MYO1G: variants seen among roughly 807,000 people sequenced by gnomAD.
MYO1G encodes unconventional myosin-Ig.
Under a neutral mutation model 115.3 loss-of-function variants are expected in MYO1G, and 65 were observed. That is an observed-to-expected ratio of 0.56 (90% CI 0.46 to 0.69). MYO1G has a LOEUF of 0.69. MYO1G is among the 30% of genes least tolerant of loss of function. The pLI is 0.00. For missense variants in MYO1G, 1,204 were observed against 1,393.5 expected, an observed-to-expected ratio of 0.86 and a Z score of 2.16; for synonymous variants, 510 against 552.6, an observed-to-expected ratio of 0.92 and a Z score of 1.08.
intron 12 of MYO1G, 63 bp from the exon 13 acceptor site, chr7:44,968,021 A>C (rs1583787782): frequency 7.3e-6 from 10 of 1,374,778 alleles, no homozygotes; most frequent in Admixed American, 7.1e-5. Context: ...AGTGCTAATG[A>C]CCCCAGCAGC....
In MYO1G at chr7:44,978,865, A is replaced by T. The variant is rs1795131401; in HGVS notation, c.95+2T>A. On this transcript the variant is annotated splice_donor_variant, in intron 1 of 21. Transcript: ENST00000258787. LOFTEE classifies it high-confidence loss of function. ...AGCCACTGCCTCCTGCCCTGGGCCT[A>T]CCTGAGCTGCAGGTTCCTCATGAAG... The T allele has an allele frequency of 6.2e-7, 1 of 1,613,932 alleles. No individual in the cohort carries two copies. The highest frequency in any genetic ancestry group is 2.2e-5 in the East Asian group (1 of 44,878).
At chr7:44,972,011 GTTCACTTCACCCTGGCCT>G (rs1328322597) in intron 6 of MYO1G, 86 bp downstream of exon 6, 2 of 968,510 alleles carry the variant, frequency 2.1e-6, no homozygotes, top group Non-Finnish European at 3.3e-6. Context: ...CACGCAAACA[GTTCACTTCACCCTGGCCT>G]GTGCTGAGTG....
In MYO1G at chr7:44,963,603, T is replaced by G. The variant is rs1391725519; in HGVS notation, c.2745+446A>C. On this transcript the variant is annotated intron_variant, in intron 20 of 21. Transcript: ENST00000258787. The surrounding 1 kb of genome is among the most constrained non-coding windows in gnomAD (Gnocchi z 4.1). ...CCTGGCCTTGATCCCTACCCCCGTC[T>G]TGTGGGAAAGAGAATTTATGGGAAC... is the stretch of plus-strand genomic sequence containing the variant. 1 of 202,092 alleles carries G rather than the reference T, an allele frequency of 4.9e-6. No individual in the cohort carries two copies. The highest frequency in any genetic ancestry group is 1.3e-4 in the East Asian group (1 of 7,632). 12.5% of individuals were successfully genotyped at this position (202,092 alleles called of 1,614,324 possible). A position where few individuals can be genotyped will look rare whatever the true frequency, so the allele number is the denominator to read the frequency against.
rs1794850190 is a variant in MYO1G at position 44,966,619 on chromosome 7, G to A, written c.1949+53C>T. 6.2e-7 allele frequency: 1 copy of A among 1,605,548 alleles called. No homozygotes were observed. The highest frequency in any genetic ancestry group is 8.5e-7 in the Non-Finnish European group (1 of 1,174,158). On this transcript the variant is annotated intron_variant, in intron 15 of 21. Coordinates refer to ENST00000258787, the MANE Select transcript of MYO1G (RefSeq NM_033054.3). The surrounding 1 kb of genome is among the most constrained non-coding windows in gnomAD (Gnocchi z 5.0). Reference sequence around the variant, plus strand: ...GGGGACCCTCTGCTCCTACCCCTTGGACTCCACACAGGGACTATGGCCCAT... The same window carrying A: ...GGGGACCCTCTGCTCCTACCCCTTGAACTCCACACAGGGACTATGGCCCAT...
chr7:44,965,533 G>A, intron 17 of MYO1G, 104 bp downstream of exon 17: 1 of 1,084,710 alleles, frequency 9.2e-7, no homozygotes, highest in South Asian at 1.4e-5. Flanking sequence ...CCTATCAAGG[G>A]GGCTGGTGTA....
At chr7:44,970,214 G>A in intron 9 of MYO1G, 60 bp from the exon 10 acceptor site, 2 of 1,166,456 alleles carry the variant, frequency 1.7e-6, no homozygotes, top group Non-Finnish European at 1.3e-6. Flanking sequence ...CATGGTAATG[G>A]GTGGCTGCTC....
chr7:44,978,939 T>A lies in MYO1G; in HGVS notation c.23A>T (p.Glu8Val), dbSNP rs768013797. 6.2e-7 allele frequency: 1 copy of A among 1,614,166 alleles called. No individual in the cohort carries two copies. The highest frequency in any genetic ancestry group is 8.5e-7 in the Non-Finnish European group (1 of 1,180,002). MEDEEGPEYGKPDFVLLD... is the reference protein window; with the variant it reads MEDEEGPVYGKPDFVLLD... ...AAGCACAAAGTCAGGTTTGCCATAC[T>A]CAGGGCCTTCCTCGTCCTCCATCCT... The change falls in exon 1 of 22, where the codon GAG becomes GTG. Residue 8 changes from glutamate (E) to valine (V), a missense_variant. Transcript: ENST00000258787.
chr7:44,973,839 AAG>A (rs1357837629), intron 5 of MYO1G: 1 of 151,578 alleles, frequency 6.6e-6, no homozygotes, highest in Middle Eastern at 3.2e-3. Flanking sequence ...GTGGGGAGGT[AAG>A]AGTCTGTGGA....
In MYO1G at chr7:44,976,797, A is replaced by G. The variant is rs768266649; in HGVS notation, c.304+66T>C. 1.2e-5 allele frequency: 19 copies of G among 1,588,800 alleles called. No individual in the cohort carries two copies. The East Asian group carries it at 2.5e-4, about 21-fold the overall frequency. ...GACACAGGGCACAGGAGATGCTCTAATGGCCCTCCCAAATGTTCACAAATG... is the reference window on the plus strand; with the variant it reads ...GACACAGGGCACAGGAGATGCTCTAGTGGCCCTCCCAAATGTTCACAAATG... On this transcript the variant is annotated intron_variant, in intron 2 of 21. Coordinates refer to ENST00000258787, the MANE Select transcript of MYO1G (RefSeq NM_033054.3).
chr7:44,978,025 G>A (rs1482622309), intron 1 of MYO1G, among the ~76,000 whole-genome samples: 1 of 152,212 alleles, frequency 6.6e-6, no homozygotes, highest in African/African-American at 2.4e-5. Flanking sequence ...GTAGAACAAT[G>A]TGCACAAAGT....
In MYO1G at chr7:44,970,924, C is replaced by T. The variant is rs906770427; in HGVS notation, c.982G>A (p.Ala328Thr). Residue 328 changes from alanine to threonine, a missense_variant, in exon 8 of 22, where the codon GCT becomes ACT. Ala to Thr is a moderately conservative substitution (Grantham distance 58, BLOSUM62 0). Transcript: ENST00000258787. ...CTGCCTCCCGAGGCAACTGTGCGAG[C>T]CAGCAGGGAGCGGAGCACGAGGTCC... Reference protein sequence around the residue: ...PRDLVLRSLLARTVASGGREL... With the variant: ...PRDLVLRSLLTRTVASGGREL... The T allele has an allele frequency of 1.2e-6, 2 of 1,613,612 alleles. No homozygotes were observed. The highest frequency in any genetic ancestry group is 1.7e-6 in the Non-Finnish European group (2 of 1,180,036).
intron 12 of MYO1G, among the ~76,000 whole-genome samples, chr7:44,968,237 G>A (rs1428321301): frequency 6.6e-6 from 1 of 152,200 alleles, no homozygotes; most frequent in East Asian, 1.9e-4. Context: ...ACCGAGTCCT[G>A]CTTCTACCAC....
rs201502354 is a variant in MYO1G, at chr7:44,964,086, C to T, written c.2708G>A (p.Arg903Gln). The stretch of plus-strand genomic sequence containing the variant: ...CACGGCCCGCATCACCCGGTACTGC[C>T]GGTCAGGGTCCAGCTTGTAGAGGTG... ...DQHLYKLDPD[R>Q]QYRVMRAVPL... Residue 903 changes from arginine to glutamine, a missense_variant, in exon 20 of 22, where the codon CGG becomes CAG. By Grantham distance (43) the Arg-to-Gln change is conservative. Coordinates refer to ENST00000258787, the MANE Select transcript of MYO1G (RefSeq NM_033054.3). The surrounding 1 kb of genome is among the most constrained non-coding windows in gnomAD (Gnocchi z 5.1). The T allele has an allele frequency of 1.5e-4, 247 of 1,605,534 alleles. No individual in the cohort carries two copies. The highest frequency in any genetic ancestry group is 1.1e-3 in the East Asian group (51 of 44,624).
In MYO1G at chr7:44,963,182, G is replaced by T; in HGVS notation, c.2746-58C>A. 7.2e-7 allele frequency: 1 copy of T among 1,382,750 alleles called. No individual in the cohort carries two copies. The highest frequency in any genetic ancestry group is 1.6e-5 in the South Asian group (1 of 62,748). The allele number at this position is 1,382,750 out of a possible 1,614,324, so 85.7% of individuals were successfully genotyped here. A position where few individuals can be genotyped will look rare whatever the true frequency, so the allele number is the denominator to read the frequency against. ...CTCAACCCGCACCCCAGCCTAGCCGGACTCACCCCCTCCCCAGGAAGCCTC... is the reference window on the plus strand; with the variant it reads ...CTCAACCCGCACCCCAGCCTAGCCGTACTCACCCCCTCCCCAGGAAGCCTC... On this transcript the variant is annotated intron_variant, in intron 20 of 21. Coordinates refer to ENST00000258787, the MANE Select transcript of MYO1G (RefSeq NM_033054.3). This position sits in a 1 kb window ranked among gnomAD's most constrained non-coding sequence, Gnocchi z 4.1.
chr7:44,970,229 G>T, intron 9 of MYO1G, 75 bp from the exon 10 acceptor site: 1 of 1,013,964 alleles, frequency 9.9e-7, no homozygotes, highest in Non-Finnish European at 1.5e-6. Context: ...CTGCTCCCCT[G>T]AACATCTCTG....
At chr7:44,965,168 T>C (rs1408171801) in intron 17 of MYO1G, 79 bp from the exon 18 acceptor site, 4 of 1,535,682 alleles carry the variant, frequency 2.6e-6, no homozygotes, top group Admixed American at 3.7e-5. Context: ...CAGAGGAAGC[T>C]GAGCCCTCAG....
chr7:44,967,625 C>A lies in MYO1G; in HGVS notation c.1762G>T (p.Val588Leu). The change falls in exon 14 of 22, where the codon GTG becomes TTG. Residue 588 changes from valine to leucine, a missense_variant. Physicochemically the swap from Val to Leu is conservative, Grantham distance 32 (BLOSUM62 1). Coordinates refer to ENST00000258787, the MANE Select transcript of MYO1G (RefSeq NM_033054.3). ...TLFKNSMVAL[V>L]ENLASKEPFY... is the part of the protein sequence containing the mutation. ...CATACCTTGGAGGCAAGGTTCTCCA[C>A]CAGGGCCACCATGGAGTTCTTGAAG... 1 of 1,613,848 alleles carries A rather than the reference C, an allele frequency of 6.2e-7. No homozygotes were observed. Among genetic ancestry groups the A allele is most frequent in the South Asian group, 1.1e-5 (1 of 91,088 alleles).
rs145829400 is a variant in MYO1G at position 44,967,892 on chromosome 7, C to T, written c.1641G>A (p.Leu547=). The T allele has an allele frequency of 1.7e-4, 279 of 1,614,024 alleles. 2 individuals are homozygous for T. The African/African-American group carries it at 3.3e-3, about 19-fold the overall frequency. ...DFLFQDFKRL[L]YNSTDPTLRA... ...CAGCAAGCCGTGCTCACCTGTTGTA[C>T]AGCAGCCGCTTGAAGTCCTGGAAGA... Residue 547 remains leucine (L), a synonymous_variant, in exon 13 of 22, where the codon CTG becomes CTA. Transcript: ENST00000258787.
intron 2 of MYO1G, 39 bp from the exon 3 acceptor site, chr7:44,976,696 C>T (rs756659145): frequency 2.3e-5 from 37 of 1,612,548 alleles, no homozygotes; most frequent in Middle Eastern, 1.6e-4. Context: ...CAGCCAGGTT[C>T]GCTCTCTTAG....
Sources: allele counts gnomAD v4.1 joint callset (sites outside exome capture counted in the v4.1 genomes callset), GRCh38; gene constraint gnomAD v4.1.1; non-coding constraint Gnocchi (gnomAD v3.1); transcripts MANE v1.5; gene names NCBI Gene and HGNC (gene_info 2026-07-23, HGNC 2026-07-21).